The following GHR variants were observed in gnomAD, a reference collection of about 807,000 sequenced individuals.
The protein encoded by GHR is growth hormone receptor.
GHR carries 35 observed loss-of-function variants against 67.1 expected under a neutral mutation model. The observed-to-expected ratio is 0.52, with a 90% CI of 0.40 to 0.69. GHR has a LOEUF of 0.69. Ranked by LOEUF, GHR falls within the 30% of genes least tolerant of loss-of-function variation. The pLI is 0.00. For synonymous variants in GHR, 272 were observed against 269.1 expected, an observed-to-expected ratio of 1.01 and a Z score of -0.10; for missense variants, 792 against 764.6, an observed-to-expected ratio of 1.04 and a Z score of -0.42.
chr5:42,718,688 T>C lies in GHR; in HGVS notation c.1181T>C (p.Ile394Thr), dbSNP rs770165616. ...CGTACCAGCTGTTGTGAACCTGACA[T>C]TCTGGAGACTGATTTCAATGCCAAT... ...SGRTSCCEPD[I>T]LETDFNANDI... is the part of the protein sequence containing the mutation. The change falls in exon 10 of 10, where the codon ATT (isoleucine) becomes ACT (threonine). Residue 394 changes from isoleucine (I) to threonine (T), a missense_variant. Ile to Thr is a moderately conservative substitution (Grantham distance 89, BLOSUM62 -1). Coordinates refer to ENST00000230882, the MANE Select transcript of GHR (RefSeq NM_000163.5). The C allele has an allele frequency of 6.2e-7, 1 of 1,614,228 alleles. No individual in the cohort carries two copies. Among genetic ancestry groups the C allele is most frequent in the Non-Finnish European group, 8.5e-7 (1 of 1,180,036 alleles).
chr5:42,509,601 T>C (rs143563140), intron 1 of GHR, among the ~76,000 whole-genome samples: 192 of 152,336 alleles, frequency 1.3e-3, no homozygotes, highest in Non-Finnish European at 2.0e-3. Flanking sequence ...CCCTCTTGCA[T>C]ATTCAAGGAC....
intron 1 of GHR, among the ~76,000 whole-genome samples, chr5:42,436,854 C>T (rs1434385454): frequency 6.6e-6 from 1 of 152,102 alleles, no homozygotes; most frequent in Non-Finnish European, 1.5e-5. Context: ...GCATGATGTT[C>T]AAAACTAGAA....
At chr5:42,568,119 GC>G (rs1288256285) in intron 2 of GHR, among the ~76,000 whole-genome samples, 4 of 152,190 alleles carry the variant, frequency 2.6e-5, no homozygotes, top group Admixed American at 2.6e-4. Context: ...TCACCCAGGA[GC>G]TGGTAGAAGA....
intron 1 of GHR, among the ~76,000 whole-genome samples, chr5:42,497,233 G>A (rs1234133693): frequency 1.3e-5 from 2 of 152,120 alleles, no homozygotes; most frequent in South Asian, 2.1e-4. Flanking sequence ...TAACCTTTTT[G>A]TGAAATATGG....
chr5:42,688,975 T>C lies in GHR; in HGVS notation c.222T>C (p.His74=). Residue 74 remains histidine (H), a synonymous_variant, in exon 4 of 10, where the codon CAT becomes CAC. Transcript: ENST00000230882. The stretch of plus-strand genomic sequence containing the variant: ...GCCACTGGACAGATGAGGTTCATCA[T>C]GGTACAAAGAACCTAGGACCCATAC... ...FSCHWTDEVH[H]GTKNLGPIQL... is the part of the protein sequence containing the mutation. 6.2e-7 allele frequency: 1 copy of C among 1,613,766 alleles called. No individual in the cohort carries two copies. The highest frequency in any genetic ancestry group is 8.5e-7 in the Non-Finnish European group (1 of 1,179,644).
chr5:42,423,788 G>A lies in GHR; in HGVS notation c.-179G>A. ...AGGGCTAGGGAGCGGCGGCGGCGGC[G>A]GCAGCGGCAGCAGCAGCTGCTACAG... On this transcript the variant is annotated 5_prime_UTR_variant, in exon 1 of 10. Coordinates refer to ENST00000230882, the MANE Select transcript of GHR (RefSeq NM_000163.5). The A allele has an allele frequency of 6.1e-6, 1 of 163,828 alleles. No individual in the cohort carries two copies. Among genetic ancestry groups the A allele is most frequent in the Non-Finnish European group, 1.3e-5 (1 of 77,256 alleles). The allele number at this position is 163,828 out of a possible 1,614,324, so 10.1% of individuals were successfully genotyped here.
intron 4 of GHR, among the ~76,000 whole-genome samples, chr5:42,692,447 C>G (rs1757463383): frequency 6.6e-6 from 1 of 151,970 alleles, no homozygotes; most frequent in Non-Finnish European, 1.5e-5. Flanking sequence ...GACATTCAAC[C>G]CAGAGAAGGC....
intron 3 of GHR, among the ~76,000 whole-genome samples, chr5:42,676,773 T>A (rs911686181): frequency 5.3e-5 from 8 of 152,194 alleles, no homozygotes; most frequent in African/African-American, 1.9e-4. Context: ...CTTAAGGTAC[T>A]TTTAATTGGA....
At chr5:42,518,450 G>A (rs2112290977) in intron 1 of GHR, among the ~76,000 whole-genome samples, 1 of 152,206 alleles carries the variant, frequency 6.6e-6, no homozygotes. Flanking sequence ...CTCTAGCCAG[G>A]GCTCTGCAAA....
chr5:42,718,683 T>G lies in GHR; in HGVS notation c.1176T>G (p.Pro392=). The change falls in exon 10 of 10, where the codon CCT becomes CCG. Residue 392 remains proline (P), a synonymous_variant. Transcript: ENST00000230882. Reference sequence around the variant, plus strand: ...CTGGACGTACCAGCTGTTGTGAACCTGACATTCTGGAGACTGATTTCAATG... The same window carrying G: ...CTGGACGTACCAGCTGTTGTGAACCGGACATTCTGGAGACTGATTTCAATG... The part of the protein sequence containing the change: ...GDSGRTSCCE[P]DILETDFNAN... 6.2e-7 allele frequency: 1 copy of G among 1,614,202 alleles called. No individual in the cohort carries two copies. Among genetic ancestry groups the G allele is most frequent in the South Asian group, 1.1e-5 (1 of 91,080 alleles).
intron 6 of GHR, among the ~76,000 whole-genome samples, chr5:42,703,150 C>A (rs1297249105): frequency 1.3e-5 from 2 of 151,902 alleles, no homozygotes; most frequent in Non-Finnish European, 2.9e-5. Flanking sequence ...TGTCATGGAG[C>A]TTTTTCCTAT....
chr5:42,496,675 G>T (rs1436403415), intron 1 of GHR, among the ~76,000 whole-genome samples: 2 of 152,178 alleles, frequency 1.3e-5, no homozygotes, highest in Middle Eastern at 3.4e-3. Context: ...CCAGAGTAGG[G>T]TATATTCTGA....
intron 3 of GHR, among the ~76,000 whole-genome samples, chr5:42,661,704 T>C (rs1190515107): frequency 2.0e-5 from 3 of 151,924 alleles, no homozygotes; most frequent in Non-Finnish European, 1.5e-5. Context: ...AACTAACGAG[T>C]AAAATAACCA....
In GHR at chr5:42,465,442, C is replaced by G. The variant is rs1744682632; in HGVS notation, c.-12+41487C>G. ...TATTTTGAATAGCCTTCCACTCATC[C>G]AAAGTCATCTCTTTTGGACCCTCCT... On this transcript the variant is annotated intron_variant, in intron 1 of 9. Coordinates refer to ENST00000230882, the MANE Select transcript of GHR (RefSeq NM_000163.5). The G allele has an allele frequency of 3.8e-6, 6 of 1,576,564 alleles. No homozygotes were observed. The East Asian group carries it at 1.3e-4, about 35-fold the overall frequency.
chr5:42,505,323 G>A (rs1014148602), intron 1 of GHR, among the ~76,000 whole-genome samples: 2 of 151,572 alleles, frequency 1.3e-5, no homozygotes, highest in South Asian at 2.1e-4. Flanking sequence ...AATTTTTTGC[G>A]CATTTTGCTG....
chr5:42,506,673 G>A (rs4509029), intron 1 of GHR, among the ~76,000 whole-genome samples: 75,532 of 151,968 alleles, frequency 0.5, 19,669 homozygotes, highest in African/African-American at 0.62. Flanking sequence ...AGTAGCCTCA[G>A]TTTAATGTTG....
chr5:42,597,056 T>C (rs1043091514), intron 2 of GHR, among the ~76,000 whole-genome samples: 7 of 152,072 alleles, frequency 4.6e-5, no homozygotes, highest in Non-Finnish European at 8.8e-5. Context: ...AGAAATACTG[T>C]TTTCAGTGGT....
At chr5:42,513,810 G>T (rs1230708053) in intron 1 of GHR, among the ~76,000 whole-genome samples, 1 of 151,994 alleles carries the variant, frequency 6.6e-6, no homozygotes, top group African/African-American at 2.4e-5. Flanking sequence ...GCAGGGTGAG[G>T]TTAAAACTCA....
intron 3 of GHR, among the ~76,000 whole-genome samples, chr5:42,650,165 G>C (rs1340275563): frequency 6.6e-6 from 1 of 152,040 alleles, no homozygotes; most frequent in African/African-American, 2.4e-5. Flanking sequence ...AATCTACTGA[G>C]GGCTCTTGTC....
Sources: allele counts gnomAD v4.1 joint callset (sites outside exome capture counted in the v4.1 genomes callset), GRCh38; gene constraint gnomAD v4.1.1; transcripts MANE v1.5; gene names NCBI Gene and HGNC (gene_info 2026-07-23, HGNC 2026-07-21).